Variants in CERS6 observed in about 807,000 individuals in gnomAD.
CERS6 encodes the protein LAG1 homolog, ceramide synthase 6.
A neutral mutation model predicts 56.8 loss-of-function variants in CERS6; 26 were observed. That is an observed-to-expected ratio of 0.46 (90% CI 0.34 to 0.63). CERS6 has a LOEUF of 0.63. CERS6 is among the 30% of genes least tolerant of loss of function. The pLI, the probability that CERS6 is intolerant of heterozygous loss-of-function variation, is 0.01. For missense variants in CERS6, 415 were observed against 467.5 expected (o/e 0.89, Z 1.04); for synonymous variants, 164 against 173.3 (o/e 0.95, Z 0.42).
chr2:168,585,044 T>C (rs975173585), intron 3 of CERS6, among the ~76,000 whole-genome samples: 2 of 152,258 alleles, frequency 1.3e-5, no homozygotes, highest in African/African-American at 4.8e-5. Flanking sequence ...GCCAACTCCA[T>C]ATTTGCTGAG....
intron 1 of CERS6, among the ~76,000 whole-genome samples, chr2:168,539,980 C>T (rs1695337473): frequency 6.6e-6 from 1 of 152,194 alleles, no homozygotes; most frequent in Non-Finnish European, 1.5e-5. Flanking sequence ...TTCTGATGCT[C>T]TATTCATTTG....
At position 168,751,684 on chromosome 2, in the gene CERS6, A is replaced by C. The variant is rs114585872; in HGVS notation, c.846-13908A>C. Among the ~76,000 whole-genome samples, 1,021 of 152,160 alleles carry C rather than the reference A, an allele frequency of 6.7e-3. 5 individuals carry two copies. Among genetic ancestry groups the C allele is most frequent in the African/African-American group, 0.023 (962 of 41,516 alleles). ...GTTTCCATAACATTCTTCCTAAATC[A>C]AGGCCTTAATCTAGTTCCCCCACCC... On this transcript the variant is annotated intron_variant, in intron 8 of 9. Transcript: ENST00000305747.
intron 8 of CERS6, among the ~76,000 whole-genome samples, chr2:168,728,359 G>A (rs1039827455): frequency 3.5e-5 from 5 of 142,670 alleles, no homozygotes; most frequent in African/African-American, 5.3e-5. Context: ...TGTTGTCCAC[G>A]TTAGGGGAAA....
intron 4 of CERS6, among the ~76,000 whole-genome samples, chr2:168,634,861 G>A (rs1045998556): frequency 2.6e-5 from 4 of 152,178 alleles, no homozygotes; most frequent in East Asian, 1.9e-4. Context: ...AGGAGTGACT[G>A]TAATATAAAG....
intron 1 of CERS6, among the ~76,000 whole-genome samples, chr2:168,458,107 T>G (rs1473424862): frequency 1.3e-5 from 2 of 152,116 alleles, no homozygotes; most frequent in Non-Finnish European, 2.9e-5. Context: ...AAATATGAAC[T>G]CTATACAGTT....
At chr2:168,475,697 G>C (rs1694056211) in intron 1 of CERS6, among the ~76,000 whole-genome samples, 1 of 152,182 alleles carries the variant, frequency 6.6e-6, no homozygotes, top group Non-Finnish European at 1.5e-5. Flanking sequence ...GAAGTAGCTA[G>C]TTTCTTAATA....
intron 1 of CERS6, among the ~76,000 whole-genome samples, chr2:168,541,228 T>A (rs1214162076): frequency 6.6e-6 from 1 of 152,172 alleles, no homozygotes; most frequent in African/African-American, 2.4e-5. Flanking sequence ...CCCGAACACC[T>A]TCCAGAAGGC....
At chr2:168,558,810 A>G (rs905908375) in intron 2 of CERS6, among the ~76,000 whole-genome samples, 4 of 152,224 alleles carry the variant, frequency 2.6e-5, no homozygotes, top group Non-Finnish European at 4.4e-5. Context: ...TGGAGCTTGC[A>G]GTGAGCAGAG....
chr2:168,594,882 C>T (rs1310465738), intron 3 of CERS6, among the ~76,000 whole-genome samples: 3 of 152,166 alleles, frequency 2.0e-5, no homozygotes. Context: ...GTTTTTCCCC[C>T]AGCTAGACTG....
intron 8 of CERS6, among the ~76,000 whole-genome samples, chr2:168,720,652 A>T (rs1687340847): frequency 6.6e-6 from 1 of 152,216 alleles, no homozygotes; most frequent in Non-Finnish European, 1.5e-5. Context: ...GCCCACTCAC[A>T]GCATTGTTGT....
intron 8 of CERS6, among the ~76,000 whole-genome samples, chr2:168,754,834 T>C (rs1383497571): frequency 6.6e-6 from 1 of 152,190 alleles, no homozygotes; most frequent in Admixed American, 6.5e-5. Context: ...TATAGCTCAC[T>C]GCAGCCTTGA....
intron 8 of CERS6, among the ~76,000 whole-genome samples, chr2:168,739,273 T>C (rs1167005275): frequency 6.6e-6 from 1 of 151,788 alleles, no homozygotes; most frequent in Non-Finnish European, 1.5e-5. Flanking sequence ...GAAAATGATA[T>C]TTGAGCTGGG....
chr2:168,500,051 G>A (rs1260285304), intron 1 of CERS6, among the ~76,000 whole-genome samples: 2 of 151,978 alleles, frequency 1.3e-5, no homozygotes, highest in Non-Finnish European at 1.5e-5. Context: ...CATAATCTGG[G>A]GGATCACAAG....
At chr2:168,476,219 T>C (rs1315694739) in intron 1 of CERS6, among the ~76,000 whole-genome samples, 4 of 152,066 alleles carry the variant, frequency 2.6e-5, no homozygotes, top group Admixed American at 6.5e-5. Flanking sequence ...CTCTTTTTTT[T>C]TTTTAATCAC....
chr2:168,546,905 A>G (rs192622040), intron 1 of CERS6, among the ~76,000 whole-genome samples: 355 of 152,344 alleles, frequency 2.3e-3, no homozygotes, highest in Non-Finnish European at 3.0e-3. Flanking sequence ...AGCAAATGCG[A>G]CCAGAAAGAA....
rs371603603 is a variant in CERS6 at position 168,583,240 on chromosome 2, C to T, written c.407+21918C>T. 8.5e-5 allele frequency among the ~76,000 whole-genome samples: 13 copies of T among 152,096 alleles called. No individual in the cohort carries two copies. The East Asian group carries it at 9.7e-4, about 11-fold the overall frequency. On this transcript the variant is annotated intron_variant, in intron 3 of 9. Transcript: ENST00000305747. ...GAATAGATAGTGATGGGGAGGGCGT[C>T]GAGACAGGTACAAATAAGTAGTGTG...
chr2:168,585,648 T>C (rs183182307), intron 3 of CERS6, among the ~76,000 whole-genome samples: 4 of 152,332 alleles, frequency 2.6e-5, no homozygotes, highest in East Asian at 1.9e-4. Context: ...TGAAGTTTTC[T>C]AATTGTTATG....
chr2:168,559,678 C>T (rs1390442111), intron 2 of CERS6, among the ~76,000 whole-genome samples: 1 of 139,240 alleles, frequency 7.2e-6, no homozygotes, highest in Admixed American at 7.4e-5. Context: ...GGGAGCGCAG[C>T]ATTCAGTCCA....
At chr2:168,739,836 C>T (rs375356338) in intron 8 of CERS6, among the ~76,000 whole-genome samples, 2 of 151,976 alleles carry the variant, frequency 1.3e-5, no homozygotes, top group East Asian at 1.9e-4. Flanking sequence ...CCTCTCCTGC[C>T]TCAGCCTCCC....
Sources: allele counts gnomAD v4.1 joint callset (sites outside exome capture counted in the v4.1 genomes callset), GRCh38; gene constraint gnomAD v4.1.1; transcripts MANE v1.5; gene names NCBI Gene and HGNC (gene_info 2026-07-23, HGNC 2026-07-21).